ADGRG7: variants seen among roughly 807,000 people sequenced by gnomAD.
ADGRG7 encodes the protein adhesion G protein-coupled receptor G7.
In ADGRG7, 82 loss-of-function variants were observed where a neutral mutation model predicts 88.6. The ratio of observed to expected loss-of-function variants is 0.93; its 90% CI spans 0.77 to 1.11. The LOEUF is 1.11. Among genes scored for constraint, ADGRG7 ranks in the 50% most tolerant of loss-of-function variants. The probability of loss-of-function intolerance (pLI) is 0.00; values close to 1 mark genes in which losing one functional copy is unlikely to be tolerated. For missense variants in ADGRG7, 945 were observed against 953.4 expected, an observed-to-expected ratio of 0.99 and a Z score of 0.12; for synonymous variants, 381 against 345.2, an observed-to-expected ratio of 1.10 and a Z score of -1.15.
Position 100,614,630 on chromosome 3 carries a change from A to G in ADGRG7, c.115+4659A>G, listed in dbSNP as rs1242024825. On this transcript the variant is annotated intron_variant, in intron 1 of 15. Coordinates refer to ENST00000273352, the MANE Select transcript of ADGRG7 (RefSeq NM_032787.3). ...ATTAGGACAAATGAGAGATGCCTGG[A>G]TTTTAAACCCCAAAAGACTAAGCTA... 2.0e-5 allele frequency among the ~76,000 whole-genome samples: 3 copies of G among 152,280 alleles called. No homozygotes were observed. In the East Asian group the frequency reaches 5.8e-4, roughly 29 times the overall value.
intron 5 of ADGRG7, among the ~76,000 whole-genome samples, chr3:100,637,014 C>T (rs6789364): frequency 0.65 from 99,363 of 152,048 alleles, 33,291 homozygotes; most frequent in East Asian, 0.99. Context: ...GATTTTGTGT[C>T]CTTGGAGTTT....
chr3:100,654,996 C>G lies in ADGRG7; in HGVS notation c.1541C>G (p.Pro514Arg), dbSNP rs765822520. 4.3e-6 allele frequency: 7 copies of G among 1,613,942 alleles called. No homozygotes were observed. The highest frequency in any genetic ancestry group is 5.9e-6 in the Non-Finnish European group (7 of 1,179,954). Residue 514 changes from proline to arginine, a missense_variant, in exon 12 of 16, where the codon CCC becomes CGC. Transcript: ENST00000273352. ...ATTGACTTTGACAATAATGACATACCCAGGACAGACACCATTAACATCCCG... is the reference window on the plus strand; with the variant it reads ...ATTGACTTTGACAATAATGACATACGCAGGACAGACACCATTAACATCCCG... Reference protein sequence around the residue: ...NNIDFDNNDIPRTDTINIPNP... With the variant: ...NNIDFDNNDIRRTDTINIPNP...
chr3:100,680,717 A>C (rs558344138), intron 15 of ADGRG7, among the ~76,000 whole-genome samples: 3 of 152,186 alleles, frequency 2.0e-5, no homozygotes, highest in Non-Finnish European at 1.5e-5. Context: ...AAATCTTAGA[A>C]TCTTATAACA....
chr3:100,687,335 G>A (rs34458074), intron 15 of ADGRG7, among the ~76,000 whole-genome samples: 43,002 of 151,846 alleles, frequency 0.28, 6,453 homozygotes, highest in East Asian at 0.53. Context: ...GGGACAATTT[G>A]ACTTCCTCTT....
rs555250727 is a variant in ADGRG7, at chr3:100,688,763, C to G, written c.2137-5981C>G. Among the ~76,000 whole-genome samples, 636 of 152,162 alleles carry G rather than the reference C, an allele frequency of 4.2e-3. 6 individuals carry two copies. The highest frequency in any genetic ancestry group is 0.015 in the African/African-American group (603 of 41,514). ...CAGACAGTTTGTTATAATTTCTGTTCTTTTACATTTGCTGAGGAGAGCTTT... is the reference window on the plus strand; with the variant it reads ...CAGACAGTTTGTTATAATTTCTGTTGTTTTACATTTGCTGAGGAGAGCTTT... On this transcript the variant is annotated intron_variant, in intron 15 of 15. Transcript: ENST00000273352.
intron 13 of ADGRG7, among the ~76,000 whole-genome samples, chr3:100,659,232 A>G (rs1182187565): frequency 6.6e-6 from 1 of 151,888 alleles, no homozygotes; most frequent in African/African-American, 2.4e-5. Context: ...GGAGATCGAG[A>G]CCATCCTGGC....
intron 1 of ADGRG7, among the ~76,000 whole-genome samples, chr3:100,619,910 T>C (rs1384475383): frequency 2.6e-5 from 4 of 152,206 alleles, no homozygotes; most frequent in Non-Finnish European, 5.9e-5. Context: ...ATTGAGGCAA[T>C]AATCAATAGC....
At chr3:100,648,051 T>A (rs1488856425) in intron 10 of ADGRG7, among the ~76,000 whole-genome samples, 1 of 152,216 alleles carries the variant, frequency 6.6e-6, no homozygotes, top group Non-Finnish European at 1.5e-5. Flanking sequence ...GAGATCTGCC[T>A]TCTCAATCAG....
At chr3:100,639,443 A>G (rs1346200156) in intron 6 of ADGRG7, among the ~76,000 whole-genome samples, 2 of 152,238 alleles carry the variant, frequency 1.3e-5, no homozygotes, top group African/African-American at 4.8e-5. Flanking sequence ...AAAGATTACA[A>G]TTCTGAGAGG....
intron 15 of ADGRG7, among the ~76,000 whole-genome samples, chr3:100,690,275 CT>C (rs1025918861): frequency 5.3e-5 from 8 of 152,146 alleles, no homozygotes; most frequent in African/African-American, 1.9e-4. Context: ...AGCCATTTGT[CT>C]AATTTTTTTT....
chr3:100,667,810 C>G (rs2094953721), intron 14 of ADGRG7, among the ~76,000 whole-genome samples: 1 of 151,772 alleles, frequency 6.6e-6, no homozygotes, highest in South Asian at 2.1e-4. Context: ...AAAAGTGTTT[C>G]AGGTGCTACC....
chr3:100,637,274 C>T (rs376679538), intron 5 of ADGRG7, 28 bp from the exon 6 acceptor site: 1 of 1,416,974 alleles, frequency 7.1e-7, no homozygotes, highest in Admixed American at 1.7e-5. Flanking sequence ...ATATGCTTCT[C>T]TGATGATCAG....
intron 15 of ADGRG7, among the ~76,000 whole-genome samples, chr3:100,677,126 C>T (rs894700086): frequency 6.6e-6 from 1 of 151,920 alleles, no homozygotes; most frequent in African/African-American, 2.4e-5. Context: ...CTTACTTCTG[C>T]CATTTTGTTA....
intron 15 of ADGRG7, among the ~76,000 whole-genome samples, chr3:100,688,554 C>G (rs977175363): frequency 6.6e-6 from 1 of 152,160 alleles, no homozygotes; most frequent in Non-Finnish European, 1.5e-5. Context: ...TTGAATGTGT[C>G]CCAGAGATTC....
At chr3:100,611,821 T>C (rs1468160323) in intron 1 of ADGRG7, among the ~76,000 whole-genome samples, 2 of 152,146 alleles carry the variant, frequency 1.3e-5, no homozygotes, top group Non-Finnish European at 2.9e-5. Flanking sequence ...TTATTGAGAG[T>C]GCATTTGAGT....
intron 15 of ADGRG7, among the ~76,000 whole-genome samples, chr3:100,673,365 T>C (rs1402394231): frequency 1.3e-5 from 2 of 152,184 alleles, no homozygotes; most frequent in Non-Finnish European, 2.9e-5. Context: ...GAGGTTTTTA[T>C]AGTACTCTCT....
intron 1 of ADGRG7, among the ~76,000 whole-genome samples, chr3:100,627,707 CCTT>C (rs1707398954): frequency 6.6e-6 from 1 of 152,042 alleles, no homozygotes; most frequent in Non-Finnish European, 1.5e-5. Context: ...AGGATTTTCT[CCTT>C]ATCTTTGAGT....
At chr3:100,659,621 A>G (rs1367413927) in intron 13 of ADGRG7, 67 bp from the exon 14 acceptor site, 1 of 1,378,056 alleles carries the variant, frequency 7.3e-7, no homozygotes, top group African/African-American at 1.4e-5. Context: ...CAATAGTGTT[A>G]ATAGCACAAA....
chr3:100,665,572 T>G (rs910108815), intron 14 of ADGRG7: 22 of 373,280 alleles, frequency 5.9e-5, no homozygotes, highest in African/African-American at 4.5e-4. Context: ...CAAGGTTAAG[T>G]ATCATTCTTC....
Sources: gnomAD v4.1 joint callset for allele counts (sites outside exome capture counted in the v4.1 genomes callset) on GRCh38, gnomAD v4.1.1 for gene constraint, MANE v1.5 for transcripts, NCBI Gene and HGNC (gene_info 2026-07-23, HGNC 2026-07-21) for gene names.